ROBO1: variants seen among roughly 807,000 people sequenced by gnomAD.
ROBO1 encodes the protein roundabout homolog 1.
A neutral mutation model predicts 195.9 loss-of-function variants in ROBO1; 149 were observed. The ratio of observed to expected loss-of-function variants is 0.76; its 90% CI spans 0.67 to 0.87. The LOEUF (loss-of-function observed/expected upper bound fraction) is 0.87, where lower values mean the gene tolerates loss of function less well. Ranked by LOEUF, ROBO1 falls within the 40% of genes least tolerant of loss-of-function variation. The pLI, the probability that ROBO1 is intolerant of heterozygous loss-of-function variation, is 0.00. For missense variants in ROBO1, 1,933 were observed against 2,068.3 expected (o/e 0.93, Z 1.27); for synonymous variants, 816 against 733.2 (o/e 1.11, Z -1.82).
chr3:79,021,749 C>T (rs567507788), intron 3 of ROBO1, among the ~76,000 whole-genome samples: 3 of 151,622 alleles, frequency 2.0e-5, no homozygotes, highest in Middle Eastern at 3.4e-3. Flanking sequence ...CAAGCTCCGC[C>T]TCCCGGGTTC....
At chr3:79,057,675 A>C (rs2078837498) in intron 3 of ROBO1, among the ~76,000 whole-genome samples, 1 of 152,074 alleles carries the variant, frequency 6.6e-6, no homozygotes, top group African/African-American at 2.4e-5. Flanking sequence ...GATCTCGCTT[A>C]CAATGGGTTT....
intron 2 of ROBO1, among the ~76,000 whole-genome samples, chr3:79,493,081 G>C (rs1939552203): frequency 3.3e-5 from 5 of 151,702 alleles, no homozygotes. Context: ...AATACATCAG[G>C]CTTTATTAAT....
chr3:79,760,450 AG>A (rs1277342196), intron 1 of ROBO1, among the ~76,000 whole-genome samples: 2 of 150,560 alleles, frequency 1.3e-5, no homozygotes, highest in Non-Finnish European at 3.0e-5. Flanking sequence ...TTCATTAAGA[AG>A]AAAAAAGATA....
At chr3:79,355,817 G>T (rs959458415) in intron 2 of ROBO1, among the ~76,000 whole-genome samples, 10 of 152,006 alleles carry the variant, frequency 6.6e-5, no homozygotes, top group Non-Finnish European at 1.5e-5. Flanking sequence ...CCCATTAATG[G>T]ACATTTAGGT....
intron 3 of ROBO1, among the ~76,000 whole-genome samples, chr3:79,087,676 TGCTAA>T (rs1417071765): frequency 6.6e-6 from 1 of 151,996 alleles, no homozygotes; most frequent in Non-Finnish European, 1.5e-5. Flanking sequence ...TAGAAATGGA[TGCTAA>T]GCTAAGCTTG....
At chr3:78,942,284 G>A (rs766396991) in intron 3 of ROBO1, among the ~76,000 whole-genome samples, 1 of 152,012 alleles carries the variant, frequency 6.6e-6, no homozygotes, top group African/African-American at 2.4e-5. Context: ...CAGGGACAGA[G>A]GGAGACACTG....
rs1467633627 is a variant in ROBO1, at chr3:79,519,373, G to C, written c.88+70451C>G. Among the ~76,000 whole-genome samples the C allele has an allele frequency of 6.6e-5, 10 of 152,070 alleles. No homozygotes were observed. In the East Asian group the frequency reaches 1.7e-3, roughly 26 times the overall value. On this transcript the variant is annotated intron_variant, in intron 2 of 30. Transcript: ENST00000464233. Reference sequence around the variant, plus strand: ...TGGCCGGGCCTGGTGGCTCACGCCTGTAATCCCAACACTTTGGGAGGCCGA... The same window carrying C: ...TGGCCGGGCCTGGTGGCTCACGCCTCTAATCCCAACACTTTGGGAGGCCGA...
intron 3 of ROBO1, among the ~76,000 whole-genome samples, chr3:78,963,001 C>G (rs2041458444): frequency 6.6e-6 from 1 of 151,758 alleles, no homozygotes; most frequent in South Asian, 2.1e-4. Flanking sequence ...AGAAAGATAA[C>G]AGCAATGCAG....
intron 4 of ROBO1, among the ~76,000 whole-genome samples, chr3:78,788,482 A>G (rs2083920208): frequency 6.7e-6 from 1 of 148,412 alleles, no homozygotes; most frequent in Non-Finnish European, 1.5e-5. Flanking sequence ...TAGGACCTAG[A>G]ATATTCAGTA....
At chr3:79,196,318 T>C (rs1176526504) in intron 2 of ROBO1, among the ~76,000 whole-genome samples, 6 of 138,874 alleles carry the variant, frequency 4.3e-5, no homozygotes, top group Non-Finnish European at 9.2e-5. Context: ...AAGAAAAAGA[T>C]GAGGTGAGAA....
rs1472707936 is a variant in ROBO1 at position 79,501,754 on chromosome 3, A to T, written c.88+88070T>A. Among the ~76,000 whole-genome samples the T allele has an allele frequency of 5.9e-5, 9 of 152,026 alleles. 1 individual carries two copies. The highest frequency in any genetic ancestry group is 9.7e-5 in the African/African-American group (4 of 41,418). ...ATTACATCCACAAAAGGCTTTTTTT[A>T]AAAAAACAAATCTATGTCAAACCAA... On this transcript the variant is annotated intron_variant, in intron 2 of 30. Coordinates refer to ENST00000464233, the MANE Select transcript of ROBO1 (RefSeq NM_002941.4).
intron 2 of ROBO1, among the ~76,000 whole-genome samples, chr3:79,363,514 G>C (rs2109311008): frequency 6.6e-6 from 1 of 152,252 alleles, no homozygotes; most frequent in African/African-American, 2.4e-5. Flanking sequence ...AGGAACAAAA[G>C]TGAATTACAT....
At chr3:79,230,211 G>T (rs769025585) in intron 2 of ROBO1, among the ~76,000 whole-genome samples, 9 of 152,062 alleles carry the variant, frequency 5.9e-5, no homozygotes, top group Non-Finnish European at 1.0e-4. Context: ...CTAAAGCCCA[G>T]TCTCCCTTAT....
intron 2 of ROBO1, among the ~76,000 whole-genome samples, chr3:79,134,957 G>A (rs2080372162): frequency 7.0e-6 from 1 of 142,054 alleles, no homozygotes; most frequent in South Asian, 2.4e-4. Flanking sequence ...GTTAGTGGGT[G>A]CAGCGCACCA....
chr3:79,681,490 G>A (rs780204931), intron 1 of ROBO1, among the ~76,000 whole-genome samples: 8 of 151,992 alleles, frequency 5.3e-5, no homozygotes, highest in Non-Finnish European at 1.2e-4. Context: ...AATGAGTGGG[G>A]GATAGGATCA....
At chr3:79,662,973 T>A (rs1049093121) in intron 1 of ROBO1, among the ~76,000 whole-genome samples, 1 of 152,182 alleles carries the variant, frequency 6.6e-6, no homozygotes, top group Admixed American at 6.6e-5. Flanking sequence ...TGGTATTTAT[T>A]ATTGACTGCT....
intron 2 of ROBO1, among the ~76,000 whole-genome samples, chr3:79,563,637 A>G (rs2107719037): frequency 6.6e-6 from 1 of 152,232 alleles, no homozygotes; most frequent in African/African-American, 2.4e-5. Flanking sequence ...GCTTGATGAT[A>G]AAACCTAAAG....
At chr3:78,794,593 TTTGAGGCAGGACCTCACTTTG>T (rs1214089818) in intron 4 of ROBO1, among the ~76,000 whole-genome samples, 12 of 152,146 alleles carry the variant, frequency 7.9e-5, no homozygotes, top group Non-Finnish European at 1.3e-4. Context: ...ATTTATTTAT[TTTGAGGCAGGACCTCACTTTG>T]TCACCCAGAC....
rs113511461 is a variant in ROBO1, at chr3:79,568,368, C to T, written c.88+21456G>A. ...ACCATATTGTCTGTCTCTCCATATTCGAATCTTCAAACAATTAGAAAATAA... is the reference window on the plus strand; with the variant it reads ...ACCATATTGTCTGTCTCTCCATATTTGAATCTTCAAACAATTAGAAAATAA... On this transcript the variant is annotated intron_variant, in intron 2 of 30. Coordinates refer to ENST00000464233, the MANE Select transcript of ROBO1 (RefSeq NM_002941.4). 4.2e-3 allele frequency among the ~76,000 whole-genome samples: 635 copies of T among 151,402 alleles called. 3 individuals carry two copies. The highest frequency in any genetic ancestry group is 0.015 in the African/African-American group (610 of 41,288).
Sources: gnomAD v4.1 joint callset for allele counts (sites outside exome capture counted in the v4.1 genomes callset) on GRCh38, gnomAD v4.1.1 for gene constraint, MANE v1.5 for transcripts, NCBI Gene and HGNC (gene_info 2026-07-23, HGNC 2026-07-21) for gene names.